The following ABCC4 variants were observed in gnomAD, a reference collection of about 807,000 sequenced individuals.
The protein encoded by ABCC4 is ATP binding cassette subfamily C member 4 (PEL blood group).
A neutral mutation model predicts 168.5 loss-of-function variants in ABCC4; 102 were observed. That is an observed-to-expected ratio of 0.61 (90% CI 0.52 to 0.71). ABCC4 has a LOEUF of 0.71. ABCC4 is among the 30% of genes least tolerant of loss of function. The pLI is 0.00. For synonymous variants in ABCC4, 617 were observed against 590.7 expected, an observed-to-expected ratio of 1.04 and a Z score of -0.65; for missense variants, 1,402 against 1,605.8, an observed-to-expected ratio of 0.87 and a Z score of 2.17.
Position 95,170,555 on chromosome 13 carries a change from T to C in ABCC4, c.1801A>G (p.Ser601Gly), listed in dbSNP as rs1223290925. The C allele has an allele frequency of 6.2e-7, 1 of 1,611,700 alleles. No individual in the cohort carries two copies. The highest frequency in any genetic ancestry group is 1.1e-5 in the South Asian group (1 of 90,516). The change falls in exon 14 of 31, where the codon AGT becomes GGT. Residue 601 changes from serine to glycine, a missense_variant. Physicochemically the swap from Ser to Gly is moderately conservative, Grantham distance 56. Transcript: ENST00000645237. ...THQLQYLKAA[S>G]QILILKDGKM... Reference sequence around the variant, plus strand: ...ACATCTTTCAATATCAGAATCTGACTTGCAGCTTTGAGGTACTGCAACTGA... The same window carrying C: ...ACATCTTTCAATATCAGAATCTGACCTGCAGCTTTGAGGTACTGCAACTGA...
At chr13:95,262,965 A>G (rs561485767) in intron 1 of ABCC4, among the ~76,000 whole-genome samples, 65 of 152,190 alleles carry the variant, frequency 4.3e-4, no homozygotes, top group Non-Finnish European at 8.7e-4. Flanking sequence ...CCGCTCTTAG[A>G]GTAGAAACAA....
In ABCC4 at chr13:95,208,027, G is replaced by A. The variant is rs138416960; in HGVS notation, c.786-102C>T. On this transcript the variant is annotated intron_variant, in intron 6 of 30. Coordinates refer to ENST00000645237, the MANE Select transcript of ABCC4 (RefSeq NM_005845.5). The stretch of plus-strand genomic sequence containing the variant: ...CCTGCATCACATGGTTCCCTACAGC[G>A]CTTTTGCTTCCGACAACACAGACAG... 4.0e-4 allele frequency: 542 copies of A among 1,357,512 alleles called. 2 individuals are homozygous for A. The African/African-American group carries it at 6.7e-3, about 17-fold the overall frequency. 84.1% of individuals were successfully genotyped at this position (1,357,512 alleles called of 1,614,324 possible). A position where few individuals can be genotyped will look rare whatever the true frequency, so the allele number is the denominator to read the frequency against.
At chr13:95,277,770 T>A (rs376562885) in intron 1 of ABCC4, among the ~76,000 whole-genome samples, 38 of 151,862 alleles carry the variant, frequency 2.5e-4, no homozygotes, top group African/African-American at 8.7e-4. Context: ...TACAGAAAAA[T>A]CCTTAATGAC....
intron 15 of ABCC4, among the ~76,000 whole-genome samples, chr13:95,165,591 T>C (rs1205093875): frequency 2.6e-5 from 4 of 152,196 alleles, no homozygotes; most frequent in East Asian, 3.9e-4. Context: ...GCTCCTATTC[T>C]TGAAAGGTAA....
intron 19 of ABCC4, among the ~76,000 whole-genome samples, chr13:95,144,325 C>T (rs1165810408): frequency 6.6e-6 from 1 of 151,838 alleles, no homozygotes; most frequent in East Asian, 1.9e-4. Flanking sequence ...AGGCTGGAAG[C>T]ATTCTCCTTG....
chr13:95,163,177 TC>T lies in ABCC4; in HGVS notation c.2252del (p.Gly751GlufsTer5), dbSNP rs1329814822. The T allele has an allele frequency of 1.2e-6, 2 of 1,613,276 alleles. No individual in the cohort carries two copies. Among genetic ancestry groups the T allele is most frequent in the African/African-American group, 1.3e-5 (1 of 74,872 alleles). On this transcript the variant is annotated frameshift_variant, in exon 18 of 31. Transcript: ENST00000645237. LOFTEE classifies it high-confidence loss of function. ...KQSMLNVTVNGGGNVTEKLDL... is the reference protein window; with the variant it reads ...KQSMLNVTVNXGGNVTEKLDL... Reference sequence around the variant, plus strand: ...CTAGCTTCTCGGTTACATTTCCTCCTCCATTTACAGTGACATTTAGCATACT... The same window carrying T: ...CTAGCTTCTCGGTTACATTTCCTCCTCATTTACAGTGACATTTAGCATACT...
At chr13:95,205,844 G>A (rs1362071234) in intron 8 of ABCC4, among the ~76,000 whole-genome samples, 2 of 152,164 alleles carry the variant, frequency 1.3e-5, no homozygotes, top group African/African-American at 2.4e-5. Flanking sequence ...TTTCCTCCAC[G>A]ATGGGAGGAC....
chr13:95,062,342 C>T (rs931110), intron 26 of ABCC4, among the ~76,000 whole-genome samples: 59,009 of 151,942 alleles, frequency 0.39, 12,963 homozygotes, highest in South Asian at 0.64. Flanking sequence ...AAAATTCCAA[C>T]ATTAAGACAC....
At chr13:95,255,853 T>C (rs1288313406) in intron 1 of ABCC4, among the ~76,000 whole-genome samples, 1 of 152,208 alleles carries the variant, frequency 6.6e-6, no homozygotes, top group Non-Finnish European at 1.5e-5. Context: ...AAGCCTTCTC[T>C]GGTTCATCCA....
At chr13:95,161,376 C>G in intron 18 of ABCC4, 41 bp from the exon 19 acceptor site, 1 of 1,454,224 alleles carries the variant, frequency 6.9e-7, no homozygotes, top group Admixed American at 2.6e-5. Flanking sequence ...CAGCATATCT[C>G]TGCATTTTCT....
chr13:95,248,964 T>A (rs965693717), intron 1 of ABCC4, among the ~76,000 whole-genome samples: 1 of 152,132 alleles, frequency 6.6e-6, no homozygotes, highest in Non-Finnish European at 1.5e-5. Flanking sequence ...CACTTGAGCC[T>A]GGGAGGCAGA....
chr13:95,095,116 C>T (rs919156961), intron 20 of ABCC4, among the ~76,000 whole-genome samples: 2 of 152,160 alleles, frequency 1.3e-5, no homozygotes, highest in Admixed American at 1.3e-4. Context: ...AGTAGATCTA[C>T]CATTTGATCC....
intron 25 of ABCC4, among the ~76,000 whole-genome samples, chr13:95,069,132 G>C (rs1034291215): frequency 1.3e-5 from 2 of 152,188 alleles, no homozygotes; most frequent in Non-Finnish European, 2.9e-5. Context: ...GGTCTGTGGT[G>C]GGAAGAGCTG....
intron 20 of ABCC4, among the ~76,000 whole-genome samples, chr13:95,109,302 G>A (rs1263739187): frequency 2.0e-5 from 3 of 152,062 alleles, no homozygotes; most frequent in Non-Finnish European, 4.4e-5. Flanking sequence ...GTAAAGAAAA[G>A]CATCACTAAT....
intron 11 of ABCC4, among the ~76,000 whole-genome samples, chr13:95,180,468 G>A (rs192121581): frequency 1.7e-4 from 26 of 152,046 alleles, no homozygotes; most frequent in African/African-American, 5.3e-4. Context: ...CAGGAGAATC[G>A]CTTGAACCTG....
intron 27 of ABCC4, among the ~76,000 whole-genome samples, chr13:95,048,519 G>A (rs1022158192): frequency 1.3e-5 from 2 of 152,214 alleles, no homozygotes; most frequent in African/African-American, 4.8e-5. Context: ...TCAACAGATG[G>A]GAACAACCTT....
chr13:95,280,241 C>T (rs1045829346), intron 1 of ABCC4, among the ~76,000 whole-genome samples: 5 of 151,884 alleles, frequency 3.3e-5, no homozygotes, highest in Non-Finnish European at 5.9e-5. Flanking sequence ...CATAGTGAAA[C>T]CCCATCTCTA....
At chr13:95,214,025 T>C (rs941190959) in intron 4 of ABCC4, among the ~76,000 whole-genome samples, 1 of 152,144 alleles carries the variant, frequency 6.6e-6, no homozygotes, top group African/African-American at 2.4e-5. Flanking sequence ...TATTATAATA[T>C]GTCAAGGAGT....
chr13:95,133,108 C>CTTTTTTTTTT (rs761691210), intron 19 of ABCC4, among the ~76,000 whole-genome samples: 1 of 110,666 alleles, frequency 9.0e-6, no homozygotes, highest in Non-Finnish European at 1.8e-5. Context: ...GATTTTAAAA[C>CTTTTTTTTTT]TTTTTTTTTT....
Sources: allele counts gnomAD v4.1 joint callset (sites outside exome capture counted in the v4.1 genomes callset), GRCh38; gene constraint gnomAD v4.1.1; transcripts MANE v1.5; gene names NCBI Gene and HGNC (gene_info 2026-07-23, HGNC 2026-07-21).